UMAD1: variants seen among roughly 807,000 people sequenced by gnomAD.
UMAD1 encodes UBAP1-MVB12-associated (UMA) domain containing 1.
A neutral mutation model predicts 6.1 loss-of-function variants in UMAD1; 8 were observed. The ratio of observed to expected loss-of-function variants is 1.30; its 90% CI spans 0.76 to 2.35. The LOEUF is 2.35. Among genes scored for constraint, UMAD1 ranks in the 30% most tolerant of loss-of-function variants. The pLI, the probability that UMAD1 is intolerant of heterozygous loss-of-function variation, is 0.00. For missense variants in UMAD1, 130 were observed against 78.4 expected (o/e 1.66, Z -2.49); for synonymous variants, 56 against 31.4 (o/e 1.78, Z -2.61).
At chr7:7,861,039 C>T (rs1784107158) in intron 3 of UMAD1, among the ~76,000 whole-genome samples, 1 of 152,100 alleles carries the variant, frequency 6.6e-6, no homozygotes, top group South Asian at 2.1e-4. Flanking sequence ...TATAAGGTGC[C>T]TATAATAGGC....
At chr7:7,651,079 A>AT (rs1357841273) in intron 1 of UMAD1, among the ~76,000 whole-genome samples, 5 of 152,174 alleles carry the variant, frequency 3.3e-5, no homozygotes, top group South Asian at 2.1e-4. Flanking sequence ...ACCAGAGCAC[A>AT]TTTTTCTGGT....
At chr7:7,724,718 A>T (rs1397402315) in intron 2 of UMAD1, among the ~76,000 whole-genome samples, 4 of 152,342 alleles carry the variant, frequency 2.6e-5, no homozygotes, top group Middle Eastern at 6.8e-3. Flanking sequence ...CTGCTATACC[A>T]GATGTGGTTT....
At chr7:7,832,268 G>A (rs1307246068) in intron 3 of UMAD1, among the ~76,000 whole-genome samples, 1 of 152,074 alleles carries the variant, frequency 6.6e-6, no homozygotes, top group African/African-American at 2.4e-5. Flanking sequence ...TCTTAATCTT[G>A]ACATTCAGTG....
chr7:7,804,150 G>A (rs1232110915), intron 3 of UMAD1, among the ~76,000 whole-genome samples: 1 of 152,078 alleles, frequency 6.6e-6, no homozygotes, highest in African/African-American at 2.4e-5. Context: ...TGCAAGTACC[G>A]GCTGGGCAAT....
At chr7:7,769,247 T>C (rs1263748303) in intron 2 of UMAD1, among the ~76,000 whole-genome samples, 1 of 152,232 alleles carries the variant, frequency 6.6e-6, no homozygotes, top group Non-Finnish European at 1.5e-5. Flanking sequence ...TCAATAAATC[T>C]GCTTCTGTCA....
At chr7:7,749,987 C>T (rs1464386180) in intron 2 of UMAD1, among the ~76,000 whole-genome samples, 2 of 152,090 alleles carry the variant, frequency 1.3e-5, no homozygotes, top group Non-Finnish European at 2.9e-5. Flanking sequence ...TTATGTTTGA[C>T]ATCTTAACAA....
Position 7,669,782 on chromosome 7 carries a change from C to T in UMAD1, c.-63-3527C>T, listed in dbSNP as rs576841311. Among the ~76,000 whole-genome samples, 9 of 152,264 alleles carry T rather than the reference C, an allele frequency of 5.9e-5. No individual in the cohort carries two copies. In the South Asian group the frequency reaches 1.0e-3, roughly 18 times the overall value. ...GTGACTGATGCCTTTGTAATAATTT[C>T]GGAACTGTCTGAAATTATCCAAAGC... On this transcript the variant is annotated intron_variant, in intron 1 of 3. Coordinates refer to ENST00000682710, the MANE Select transcript of UMAD1 (RefSeq NM_001302348.2).
chr7:7,793,336 A>C (rs570073224), intron 2 of UMAD1, among the ~76,000 whole-genome samples: 9 of 152,278 alleles, frequency 5.9e-5, no homozygotes, highest in African/African-American at 2.2e-4. Context: ...TTCTCTTTCC[A>C]CAGTGCCAGG....
At chr7:7,806,453 A>C (rs1324687099) in intron 3 of UMAD1, among the ~76,000 whole-genome samples, 3 of 152,204 alleles carry the variant, frequency 2.0e-5, no homozygotes, top group African/African-American at 7.2e-5. Flanking sequence ...CTATAGCTTA[A>C]TTAGCTTTAT....
Position 7,789,273 on chromosome 7 carries a change from GA to G in UMAD1, c.83-12389del, listed in dbSNP as rs925633987. 2.6e-5 allele frequency among the ~76,000 whole-genome samples: 4 copies of G among 151,306 alleles called. No individual in the cohort carries two copies. In the South Asian group the frequency reaches 6.3e-4, roughly 24 times the overall value. ...GCCGTAACCAATTCTATGGCTGAGAGAAAAAAAACACATTTCCCTCGCATGA... is the reference window on the plus strand; with the variant it reads ...GCCGTAACCAATTCTATGGCTGAGAGAAAAAAACACATTTCCCTCGCATGA... On this transcript the variant is annotated intron_variant, in intron 2 of 3. Transcript: ENST00000682710.
At chr7:7,860,604 C>G (rs962443050) in intron 3 of UMAD1, among the ~76,000 whole-genome samples, 1 of 93,862 alleles carries the variant, frequency 1.1e-5, no homozygotes, top group Non-Finnish European at 2.1e-5. Flanking sequence ...ACTAAAAATA[C>G]AAAAAAAAAA....
chr7:7,825,678 C>T (rs1339042198), intron 3 of UMAD1, among the ~76,000 whole-genome samples: 1 of 152,042 alleles, frequency 6.6e-6, no homozygotes, highest in Non-Finnish European at 1.5e-5. Context: ...ACCCTATTTC[C>T]AAAGAATGAA....
intron 2 of UMAD1, among the ~76,000 whole-genome samples, chr7:7,724,685 C>G (rs1052532458): frequency 1.3e-5 from 2 of 152,174 alleles, no homozygotes; most frequent in Non-Finnish European, 2.9e-5. Flanking sequence ...GTAAGCTTAA[C>G]CAAGTGGTGA....
chr7:7,699,190 G>T (rs918552440), intron 2 of UMAD1, among the ~76,000 whole-genome samples: 1 of 152,032 alleles, frequency 6.6e-6, no homozygotes, highest in African/African-American at 2.4e-5. Context: ...TGAGTTGACT[G>T]ATTATGGGAA....
At chr7:7,760,135 C>T (rs1781856240) in intron 2 of UMAD1, among the ~76,000 whole-genome samples, 1 of 152,108 alleles carries the variant, frequency 6.6e-6, no homozygotes, top group Admixed American at 6.6e-5. Context: ...CAGCTTGAGG[C>T]CATCATGCTG....
chr7:7,694,089 A>G (rs1393581460), intron 2 of UMAD1, among the ~76,000 whole-genome samples: 1 of 152,112 alleles, frequency 6.6e-6, no homozygotes, highest in Non-Finnish European at 1.5e-5. Context: ...CTCCATACCT[A>G]TAGAGGGGCA....
intron 2 of UMAD1, among the ~76,000 whole-genome samples, chr7:7,772,690 G>A (rs993917818): frequency 3.9e-5 from 6 of 152,168 alleles, no homozygotes; most frequent in African/African-American, 1.4e-4. Context: ...ACAGATGAAT[G>A]GAGTAGAGGT....
chr7:7,851,436 C>T (rs1246732644), intron 3 of UMAD1, among the ~76,000 whole-genome samples: 1 of 152,112 alleles, frequency 6.6e-6, no homozygotes. Context: ...AGTAGAATTA[C>T]TGGGTCTTAT....
chr7:7,713,226 C>T (rs1780811259), intron 2 of UMAD1, among the ~76,000 whole-genome samples: 1 of 151,872 alleles, frequency 6.6e-6, no homozygotes, highest in African/African-American at 2.4e-5. Flanking sequence ...CACCTGTAGT[C>T]CCAGCTACTC....
Sources: gnomAD v4.1 joint callset for allele counts (sites outside exome capture counted in the v4.1 genomes callset) on GRCh38, gnomAD v4.1.1 for gene constraint, MANE v1.5 for transcripts, NCBI Gene and HGNC (gene_info 2026-07-23, HGNC 2026-07-21) for gene names.